The following MANEA variants were observed in gnomAD, a reference collection of about 807,000 sequenced individuals.
MANEA encodes the protein mannosidase endo-alpha, also known as glycoprotein endo-alpha-1,2-mannosidase.
In MANEA, 25 loss-of-function variants were observed where a neutral mutation model predicts 36.8. The ratio of observed to expected loss-of-function variants is 0.68; its 90% CI spans 0.50 to 0.95. MANEA has a LOEUF of 0.95. MANEA is among the 40% of genes least tolerant of loss of function. The pLI is 0.00. For missense variants in MANEA, 565 were observed against 558.8 expected (o/e 1.01, Z -0.11); for synonymous variants, 198 against 188.5 (o/e 1.05, Z -0.41).
At chr6:95,603,677 G>T (rs968644486) in intron 3 of MANEA, among the ~76,000 whole-genome samples, 20 of 151,904 alleles carry the variant, frequency 1.3e-4, no homozygotes, top group Admixed American at 1.3e-3. Context: ...GAAGTCTCTA[G>T]TTCCATAAAT....
intron 2 of MANEA, chr6:95,588,123 G>A (rs1379022168): frequency 6.6e-6 from 1 of 151,962 alleles, no homozygotes; most frequent in Non-Finnish European, 1.5e-5. Context: ...ATAACTTGGT[G>A]CCTGAAAATT....
chr6:95,580,999 C>T (rs931967416), intron 1 of MANEA, among the ~76,000 whole-genome samples: 21 of 152,070 alleles, frequency 1.4e-4, no homozygotes, highest in Admixed American at 6.5e-5. Flanking sequence ...TTATACTAAG[C>T]CACATGATTT....
intron 1 of MANEA, among the ~76,000 whole-genome samples, chr6:95,583,442 C>T (rs1011041052): frequency 1.3e-5 from 2 of 151,814 alleles, no homozygotes; most frequent in African/African-American, 4.8e-5. Flanking sequence ...TATGCACATA[C>T]ACACGTTTAT....
Position 95,596,895 on chromosome 6 carries a change from A to G in MANEA, c.654+49A>G, listed in dbSNP as rs537699567. ...ATACATAAGTTAATTCTTTTGGACA[A>G]GAGGAGAGTAATAACAATTTTTGAA... On this transcript the variant is annotated intron_variant, in intron 3 of 4. Transcript: ENST00000358812. 4 of 882,796 alleles carry G rather than the reference A, an allele frequency of 4.5e-6. No homozygotes were observed. The Admixed American group carries it at 8.2e-5, about 18-fold the overall frequency. The allele number at this position is 882,796 out of a possible 1,614,324, so 54.7% of individuals were successfully genotyped here.
chr6:95,602,374 T>C (rs1432427926), intron 3 of MANEA, among the ~76,000 whole-genome samples: 3 of 151,632 alleles, frequency 2.0e-5, no homozygotes, highest in African/African-American at 7.3e-5. Flanking sequence ...CACATAGGAG[T>C]AGGAAGACCT....
chr6:95,585,301 CAG>C (rs1157082023), intron 1 of MANEA, among the ~76,000 whole-genome samples: 1 of 152,104 alleles, frequency 6.6e-6, no homozygotes, highest in Non-Finnish European at 1.5e-5. Context: ...GTAAGATTTT[CAG>C]AGTCGTAAGT....
intron 1 of MANEA, among the ~76,000 whole-genome samples, chr6:95,583,411 A>G (rs1245569902): frequency 1.3e-5 from 2 of 151,950 alleles, no homozygotes; most frequent in African/African-American, 4.8e-5. Context: ...AAATACACAT[A>G]TATGTGCATG....
rs1194194380 is a variant in MANEA at position 95,586,389 on chromosome 6, C to G, written c.-38-13C>G. On this transcript the variant is annotated splice_polypyrimidine_tract_variant and intron_variant, in intron 1 of 4. Coordinates refer to ENST00000358812, the MANE Select transcript of MANEA (RefSeq NM_024641.4). ...ATAACACTTACTAATTATCTTTTTT[C>G]AATAAATTGCAGCAAAACACTTACT... 1 of 1,426,714 alleles carries G rather than the reference C, an allele frequency of 7.0e-7. No individual in the cohort carries two copies. The highest frequency in any genetic ancestry group is 9.6e-7 in the Non-Finnish European group (1 of 1,045,338). 88.4% of individuals were successfully genotyped at this position (1,426,714 alleles called of 1,614,324 possible). A position where few individuals can be genotyped will look rare whatever the true frequency, so the allele number is the denominator to read the frequency against.
chr6:95,578,111 G>A (rs1259253091), intron 1 of MANEA, among the ~76,000 whole-genome samples: 2 of 152,160 alleles, frequency 1.3e-5, no homozygotes, highest in Admixed American at 6.5e-5. Context: ...TGGGTGCAAC[G>A]GAAAGGTAGC....
chr6:95,605,693 T>C (rs768273795), intron 4 of MANEA, 55 bp from the exon 5 acceptor site: 41 of 1,364,756 alleles, frequency 3.0e-5, no homozygotes, highest in Non-Finnish European at 4.1e-5. Context: ...AGTTTTTGTC[T>C]GTGGCAAATT....
intron 2 of MANEA, among the ~76,000 whole-genome samples, chr6:95,592,348 A>T (rs1769399410): frequency 6.6e-6 from 1 of 152,198 alleles, no homozygotes; most frequent in South Asian, 2.1e-4. Context: ...CCTTTAAGAT[A>T]TTCATTACAG....
intron 2 of MANEA, among the ~76,000 whole-genome samples, chr6:95,588,725 G>A (rs1053776478): frequency 2.0e-5 from 3 of 151,688 alleles, no homozygotes; most frequent in African/African-American, 7.3e-5. Context: ...AATTTGAATA[G>A]TATACAATGA....
intron 3 of MANEA, among the ~76,000 whole-genome samples, chr6:95,603,300 A>T (rs4302677): frequency 0.6 from 90,505 of 151,628 alleles, 27,423 homozygotes; most frequent in East Asian, 0.87. Flanking sequence ...CAGTGATGTA[A>T]CTGAAGGAAG....
chr6:95,585,028 C>T (rs1000622563), intron 1 of MANEA, among the ~76,000 whole-genome samples: 1 of 152,072 alleles, frequency 6.6e-6, no homozygotes, highest in Non-Finnish European at 1.5e-5. Flanking sequence ...TTTTATAAAG[C>T]AGTCAATGTC....
Position 95,607,400 on chromosome 6 carries a change from C to CT in MANEA, c.*998dup, listed in dbSNP as rs1023365010. Reference sequence around the variant, plus strand: ...ACTGTCATTAGGTTGTCTTTTAATACTTTAAGTTATTTTGACGAAAAGTAA... The same window carrying CT: ...ACTGTCATTAGGTTGTCTTTTAATACTTTTAAGTTATTTTGACGAAAAGTAA... On this transcript the variant is annotated 3_prime_UTR_variant, in exon 5 of 5. Transcript: ENST00000358812. 6.8e-4 allele frequency: 104 copies of CT among 152,022 alleles called. 1 individual carries two copies. The highest frequency in any genetic ancestry group is 2.3e-3 in the African/African-American group (97 of 41,518). 9.4% of individuals were successfully genotyped at this position (152,022 alleles called of 1,614,324 possible). A position where few individuals can be genotyped will look rare whatever the true frequency, so the allele number is the denominator to read the frequency against.
chr6:95,596,970 A>G (rs2127943051), intron 3 of MANEA, 124 bp downstream of exon 3: 1 of 450,550 alleles, frequency 2.2e-6, no homozygotes, highest in Non-Finnish European at 3.9e-6. Flanking sequence ...TTTAAATACT[A>G]TATTTCATAA....
In MANEA at chr6:95,606,129, A is replaced by G; in HGVS notation, c.1113A>G (p.Gln371=). ...IDTSIRPWNT[Q]NTRNRINGKY... ...CCAGCATCCGTCCATGGAACACGCAAAACACTCGGAACCGAATCAATGGGA... is the reference window on the plus strand; with the variant it reads ...CCAGCATCCGTCCATGGAACACGCAGAACACTCGGAACCGAATCAATGGGA... The change falls in exon 5 of 5, where the codon CAA becomes CAG. Residue 371 remains glutamine, a synonymous_variant. Transcript: ENST00000358812. 2 of 1,614,072 alleles carry G rather than the reference A, an allele frequency of 1.2e-6. No homozygotes were observed. The highest frequency in any genetic ancestry group is 2.2e-5 in the South Asian group (2 of 91,086).
At chr6:95,596,603 G>A (rs1000329770) in intron 2 of MANEA, 134 bp from the exon 3 acceptor site, 5 of 520,380 alleles carry the variant, frequency 9.6e-6, no homozygotes, top group Admixed American at 3.0e-5. Flanking sequence ...TATGTATTCT[G>A]AAGGAACTTA....
chr6:95,593,325 G>A (rs1289189626), intron 2 of MANEA, among the ~76,000 whole-genome samples: 1 of 152,076 alleles, frequency 6.6e-6, no homozygotes, highest in East Asian at 1.9e-4. Context: ...TTAGATATCT[G>A]GAAGTCATAA....
Sources: gnomAD v4.1 joint callset for allele counts (sites outside exome capture counted in the v4.1 genomes callset) on GRCh38, gnomAD v4.1.1 for gene constraint, MANE v1.5 for transcripts, NCBI Gene and HGNC (gene_info 2026-07-23, HGNC 2026-07-21) for gene names.